SSBP4: variants seen among roughly 807,000 people sequenced by gnomAD.
SSBP4 encodes the protein single-stranded DNA-binding protein 4.
In SSBP4, 33 loss-of-function variants were observed where a neutral mutation model predicts 64.6. That is an observed-to-expected ratio of 0.51 (90% CI 0.39 to 0.68). SSBP4 has a LOEUF of 0.68. SSBP4 is among the 30% of genes least tolerant of loss of function. The pLI, the probability that SSBP4 is intolerant of heterozygous loss-of-function variation, is 0.00. For synonymous variants in SSBP4, 243 were observed against 224.0 expected (o/e 1.08, Z -0.76); for missense variants, 583 against 566.8 (o/e 1.03, Z -0.29).
chr19:18,430,985 A>C, intron 5 of SSBP4, 55 bp downstream of exon 5: 1 of 1,576,780 alleles, frequency 6.3e-7, no homozygotes, highest in Non-Finnish European at 8.6e-7. Flanking sequence ...CATGCGTTTG[A>C]GGGTGGGGGG....
chr19:18,419,501 G>A lies in SSBP4; in HGVS notation c.-148G>A, dbSNP rs1411017728. On this transcript the variant is annotated 5_prime_UTR_variant, in exon 1 of 18. Transcript: ENST00000270061. ...CTGCCGCCGCCGCCGCGGCCGTCTG[G>A]AGCTCCCCCGCGCGGACGATGCCTG... The A allele has an allele frequency of 9.1e-7, 1 of 1,103,268 alleles. No homozygotes were observed. Among genetic ancestry groups the A allele is most frequent in the African/African-American group, 1.7e-5 (1 of 59,754 alleles). 68.3% of individuals were successfully genotyped at this position (1,103,268 alleles called of 1,614,324 possible).
At chr19:18,419,833 G>A in intron 1 of SSBP4, 126 bp downstream of exon 1, 2 of 637,546 alleles carry the variant, frequency 3.1e-6, no homozygotes, top group Non-Finnish European at 4.0e-6. Flanking sequence ...CGCTCGAGGG[G>A]TCGCGAGATT....
Position 18,426,496 on chromosome 19 carries a change from C to T in SSBP4, c.60-855C>T, listed in dbSNP as rs1412457433. Among the ~76,000 whole-genome samples, 1 of 152,158 alleles carries T rather than the reference C, an allele frequency of 6.6e-6. No homozygotes were observed. The highest frequency in any genetic ancestry group is 2.4e-5 in the African/African-American group (1 of 41,426). ...GGGCTGGTGCCACAGGACTGGGCGACCCTTTGGATAGGGGGTTTGTCCTCT... is the reference window on the plus strand; with the variant it reads ...GGGCTGGTGCCACAGGACTGGGCGATCCTTTGGATAGGGGGTTTGTCCTCT... On this transcript the variant is annotated intron_variant, in intron 1 of 17. Coordinates refer to ENST00000270061, the MANE Select transcript of SSBP4 (RefSeq NM_032627.5). The surrounding 1 kb of genome is among the most constrained non-coding windows in gnomAD (Gnocchi z 4.5).
chr19:18,428,052 G>A (rs1972994302), intron 4 of SSBP4, 70 bp downstream of exon 4: 4 of 1,445,728 alleles, frequency 2.8e-6, no homozygotes. Flanking sequence ...CTGGGGAGGT[G>A]GGGTGGGGGG....
upstream of SSBP4, chr19:18,419,043 G>T: frequency 1.0e-6 from 1 of 985,608 alleles, no homozygotes; most frequent in African/African-American, 1.7e-5. Context: ...ATCCGCAGTC[G>T]TTCCAGCAGC....
At chr19:18,411,843 AC>A in the SSBP4 span, among the ~76,000 whole-genome samples, 3 of 152,192 alleles carry the variant, frequency 2.0e-5, no homozygotes, top group African/African-American at 7.2e-5. Context: ...TTAGGGTACC[AC>A]AGGAAATCTT....
chr19:18,410,377 C>T, the SSBP4 span, among the ~76,000 whole-genome samples: 1 of 151,980 alleles, frequency 6.6e-6, no homozygotes, highest in African/African-American at 2.4e-5. Flanking sequence ...AGTGATCCGC[C>T]CACCTCGGCC....
chr19:18,420,726 C>T (rs1451443439), intron 1 of SSBP4, among the ~76,000 whole-genome samples: 1 of 151,878 alleles, frequency 6.6e-6, no homozygotes, highest in Non-Finnish European at 1.5e-5. Context: ...GGCGTGGGCG[C>T]CTGTAGTCCC....
At chr19:18,422,297 A>T (rs1006508534) in intron 1 of SSBP4, among the ~76,000 whole-genome samples, 16 of 152,112 alleles carry the variant, frequency 1.1e-4, no homozygotes, top group African/African-American at 3.9e-4. Flanking sequence ...CCCTTCCCAT[A>T]CTGTCCTCCC....
the SSBP4 span, among the ~76,000 whole-genome samples, chr19:18,410,160 ATT>A: frequency 3.3e-5 from 5 of 151,246 alleles, no homozygotes; most frequent in Non-Finnish European, 7.4e-5. Flanking sequence ...CGCCCGGCTA[ATT>A]TTTTTTTGTA....
At chr19:18,420,574 C>T (rs1972380107) in intron 1 of SSBP4, among the ~76,000 whole-genome samples, 1 of 151,982 alleles carries the variant, frequency 6.6e-6, no homozygotes, top group African/African-American at 2.4e-5. Context: ...TAAAAGTGCC[C>T]AGAGGCCGGG....
In SSBP4 at chr19:18,432,547, G is replaced by T. The variant is rs753971265; in HGVS notation, c.705-12G>T. On this transcript the variant is annotated splice_polypyrimidine_tract_variant and intron_variant, in intron 10 of 17. Transcript: ENST00000270061. ...ACTAGCCCCAGAGTCTGTCATCCGC[G>T]GTCTCTTCCAGGGGCCCAGGAGTTC... 5 of 1,568,032 alleles carry T rather than the reference G, an allele frequency of 3.2e-6. No homozygotes were observed. In the East Asian group the frequency reaches 1.1e-4, roughly 35 times the overall value.
At chr19:18,425,241 G>A (rs1279602623) in intron 1 of SSBP4, among the ~76,000 whole-genome samples, 6 of 152,056 alleles carry the variant, frequency 3.9e-5, no homozygotes, top group South Asian at 2.1e-4. Flanking sequence ...TTGGACAGCC[G>A]TGCCCTGGGT....
chr19:18,432,035 A>T lies in SSBP4; in HGVS notation c.601A>T (p.Thr201Ser). ...PSMGGPMQRV[T>S]PPRGMASVGP... ...CATGGGCGGCCCAATGCAGAGGGTG[A>T]CGCCTCCTCGTGGCATGGCCAGCGT... The change falls in exon 9 of 18, where the codon ACG becomes TCG. Residue 201 changes from threonine to serine, a missense_variant. This residue lies in a region of SSBP4 where 444 missense variants were observed against 386.6 expected (regional missense o/e 1.15). Coordinates refer to ENST00000270061, the MANE Select transcript of SSBP4 (RefSeq NM_032627.5). 1 of 1,582,316 alleles carries T rather than the reference A, an allele frequency of 6.3e-7. No homozygotes were observed. The highest frequency in any genetic ancestry group is 1.3e-5 in the African/African-American group (1 of 74,518).
At chr19:18,421,647 T>C (rs1373599693) in intron 1 of SSBP4, among the ~76,000 whole-genome samples, 3 of 152,030 alleles carry the variant, frequency 2.0e-5, no homozygotes, top group Non-Finnish European at 4.4e-5. Context: ...GGATGTCAGG[T>C]GGAGGGCACA....
upstream of SSBP4, among the ~76,000 whole-genome samples, chr19:18,414,994 G>A (rs1972120192): frequency 6.6e-6 from 1 of 152,110 alleles, no homozygotes; most frequent in African/African-American, 2.4e-5. Flanking sequence ...AAGGAGTGAG[G>A]CTGTCTGAAC....
In SSBP4 at chr19:18,432,712, TC is replaced by T; in HGVS notation, c.765del (p.Ser256HisfsTer38). On this transcript the variant is annotated frameshift_variant, in exon 12 of 18. Transcript: ENST00000270061. LOFTEE classifies it high-confidence loss of function. ...SPSGNSIPYS[S>X]SSPGSYTGPP... is the part of the protein sequence containing the mutation. ...CCCTTGTCCCCAGATCCCCTACTCCTCCTCATCCCCCGGCAGCTACACCGTA... is the reference window on the plus strand; with the variant it reads ...CCCTTGTCCCCAGATCCCCTACTCCTCTCATCCCCCGGCAGCTACACCGTA... The T allele has an allele frequency of 6.3e-7, 1 of 1,580,206 alleles. No homozygotes were observed. Among genetic ancestry groups the T allele is most frequent in the Non-Finnish European group, 8.6e-7 (1 of 1,158,706 alleles).
intron 4 of SSBP4, among the ~76,000 whole-genome samples, chr19:18,430,011 C>T (rs1453013945): frequency 1.3e-5 from 2 of 152,210 alleles, no homozygotes; most frequent in Non-Finnish European, 1.5e-5. Flanking sequence ...CCTCTCTGAG[C>T]CCAAGTGGCT....
chr19:18,405,166 C>T, the SSBP4 span, among the ~76,000 whole-genome samples: 1 of 152,136 alleles, frequency 6.6e-6, no homozygotes, highest in Non-Finnish European at 1.5e-5. Flanking sequence ...CCCCAAGAAC[C>T]CTCAGTCTAG....
Sources: gnomAD v4.1 joint callset for allele counts (sites outside exome capture counted in the v4.1 genomes callset) on GRCh38, gnomAD v4.1.1 for gene constraint, gnomAD v4.1.1 regional missense constraint, Gnocchi (gnomAD v3.1) non-coding constraint, MANE v1.5 for transcripts, NCBI Gene and HGNC (gene_info 2026-07-23, HGNC 2026-07-21) for gene names.